Variants in TLCD3A observed in about 807,000 individuals in gnomAD.
TLCD3A encodes the protein TLC domain containing 3A.
TLCD3A carries 17 observed loss-of-function variants against 29.9 expected under a neutral mutation model. That is an observed-to-expected ratio of 0.57 (90% CI 0.39 to 0.85). The LOEUF (loss-of-function observed/expected upper bound fraction) is 0.85. Among genes scored for constraint, TLCD3A ranks in the 40% least tolerant of loss-of-function variants. The pLI is 0.00. For synonymous variants in TLCD3A, 143 were observed against 147.7 expected, an observed-to-expected ratio of 0.97 and a Z score of 0.23; for missense variants, 332 against 350.8, an observed-to-expected ratio of 0.95 and a Z score of 0.43.
chr17:741,261 T>G, intron 4 of TLCD3A, 40 bp from the exon 5 acceptor site: 2 of 1,608,780 alleles, frequency 1.2e-6, no homozygotes, highest in Non-Finnish European at 1.7e-6. Context: ...ATGCCCAGCT[T>G]CTTGGTGACC....
At position 732,636 on chromosome 17, in the gene TLCD3A, C is replaced by G. The variant is rs1369846831; in HGVS notation, c.-12C>G. ...ACGCGGCGCCAGCGAGGCGGCCGGA[C>G]CCGCAGCCCCGATGCTGCTGACGCT... On this transcript the variant is annotated 5_prime_UTR_variant, in exon 1 of 5. Transcript: ENST00000308278. 1 of 1,260,764 alleles carries G rather than the reference C, an allele frequency of 7.9e-7. No homozygotes were observed. Among genetic ancestry groups the G allele is most frequent in the East Asian group, 3.3e-5 (1 of 29,938 alleles). 78.1% of individuals were successfully genotyped at this position (1,260,764 alleles called of 1,614,324 possible).
chr17:735,702 T>A (rs1026145677), intron 2 of TLCD3A, among the ~76,000 whole-genome samples: 3 of 151,946 alleles, frequency 2.0e-5, no homozygotes, highest in Non-Finnish European at 4.4e-5. Context: ...CGGTGGCTCC[T>A]GCCTGTAATC....
Position 733,096 on chromosome 17 carries a change from A to G in TLCD3A, c.123-2A>G, listed in dbSNP as rs1047279839. 6.3e-7 allele frequency: 1 copy of G among 1,583,902 alleles called. No individual in the cohort carries two copies. Reference sequence around the variant, plus strand: ...GCGCGCTGTTCTCTCCGCCCGCGCTAGGCTGGTTTCCTCGGTGCACGCCGT... The same window carrying G: ...GCGCGCTGTTCTCTCCGCCCGCGCTGGGCTGGTTTCCTCGGTGCACGCCGT... On this transcript the variant is annotated splice_acceptor_variant, in intron 1 of 4. Coordinates refer to ENST00000308278, the MANE Select transcript of TLCD3A (RefSeq NM_024792.3). LOFTEE classifies it high-confidence loss of function.
chr17:733,189 C>A lies in TLCD3A; in HGVS notation c.206+8C>A. On this transcript the variant is annotated splice_region_variant and intron_variant, in intron 2 of 4. Transcript: ENST00000308278. ...CGACGTGATCACCGGCAGGTAAGAG[C>A]CCGGGCCGGGGCCTTGTTGCAAATG... The A allele has an allele frequency of 6.5e-7, 1 of 1,540,276 alleles. No homozygotes were observed. Among genetic ancestry groups the A allele is most frequent in the South Asian group, 1.2e-5 (1 of 82,564 alleles).
intron 3 of TLCD3A, among the ~76,000 whole-genome samples, chr17:739,177 T>C (rs1301476353): frequency 6.6e-6 from 1 of 151,762 alleles, no homozygotes; most frequent in Non-Finnish European, 1.5e-5. Flanking sequence ...GCATGCGTTT[T>C]TTTTTTTAAT....
In TLCD3A at chr17:741,572, T is replaced by A. The variant is rs779395710; in HGVS notation, c.*2T>A. 2 of 1,611,750 alleles carry A rather than the reference T, an allele frequency of 1.2e-6. No homozygotes were observed. Among genetic ancestry groups the A allele is most frequent in the East Asian group, 2.2e-5 (1 of 44,890 alleles). On this transcript the variant is annotated 3_prime_UTR_variant, in exon 5 of 5. Coordinates refer to ENST00000308278, the MANE Select transcript of TLCD3A (RefSeq NM_024792.3). ...CCCCAAGCCAAAAAGGATGGCTAAA[T>A]GCTCCTGGGAGTCAGGCGCAGCCTC...
chr17:732,910 C>T, intron 1 of TLCD3A, 141 bp downstream of exon 1: 1 of 1,365,344 alleles, frequency 7.3e-7, no homozygotes, highest in South Asian at 1.6e-5. Context: ...CCCGAGTTTC[C>T]GAAGCCCCTC....
chr17:738,096 C>CTCTTTTTTT, intron 3 of TLCD3A, 49 bp downstream of exon 3: 1 of 501,830 alleles, frequency 2.0e-6, no homozygotes, highest in Admixed American at 4.2e-5. Context: ...AGCTGGGTGT[C>CTCTTTTTTT]TTTTTTTTTT....
Position 732,731 on chromosome 17 carries a change from C to T in TLCD3A, c.84C>T (p.Pro28=), listed in dbSNP as rs146853090. Residue 28 remains proline, a synonymous_variant, in exon 1 of 5, where the codon CCC becomes CCT. Transcript: ENST00000308278. ...LCTWALRRSQ[P]GWSRTDCVMI... Reference sequence around the variant, plus strand: ...CCTGGGCGCTGCGCCGCTCCCAGCCCGGATGGAGCCGCACCGACTGCGTGA... The same window carrying T: ...CCTGGGCGCTGCGCCGCTCCCAGCCTGGATGGAGCCGCACCGACTGCGTGA... The T allele has an allele frequency of 1.9e-3, 2,796 of 1,444,860 alleles. 46 individuals carry two copies. In the African/African-American group the frequency reaches 0.037, roughly 19 times the overall value. The allele number at this position is 1,444,860 out of a possible 1,614,324, so 89.5% of individuals were successfully genotyped here.
rs1469629693 is a variant in TLCD3A at position 733,091 on chromosome 17, G to T, written c.123-7G>T. 1.3e-6 allele frequency: 2 copies of T among 1,578,072 alleles called. No homozygotes were observed. Among genetic ancestry groups the T allele is most frequent in the South Asian group, 1.2e-5 (1 of 86,336 alleles). On this transcript the variant is annotated splice_region_variant and splice_polypyrimidine_tract_variant and intron_variant, in intron 1 of 4. Transcript: ENST00000308278. ...AGCGCGCGCGCTGTTCTCTCCGCCC[G>T]CGCTAGGCTGGTTTCCTCGGTGCAC...
intron 1 of TLCD3A, 100 bp downstream of exon 1, chr17:732,869 C>T (rs761314562): frequency 5.1e-6 from 7 of 1,371,616 alleles, no homozygotes; most frequent in South Asian, 1.7e-5. Context: ...CGGCAGGAAG[C>T]CCGGGGGCTG....
At chr17:738,092 G>GTTTAT in intron 3 of TLCD3A, 45 bp downstream of exon 3, 1 of 458,260 alleles carries the variant, frequency 2.2e-6, no homozygotes, top group Non-Finnish European at 3.1e-6. Flanking sequence ...GTTGAGCTGG[G>GTTTAT]TGTCTTTTTT....
At chr17:732,968 G>C in intron 1 of TLCD3A, 130 bp from the exon 2 acceptor site, 1 of 1,398,292 alleles carries the variant, frequency 7.2e-7, no homozygotes, top group East Asian at 2.7e-5. Context: ...GGGAATGGCC[G>C]ATGAGCCTCC....
Position 741,240 on chromosome 17 carries a change from G to A in TLCD3A, c.505-61G>A, listed in dbSNP as rs527435348. 1.1e-5 allele frequency: 18 copies of A among 1,580,046 alleles called. No individual in the cohort carries two copies. The Middle Eastern group carries it at 7.1e-4, about 62-fold the overall frequency. On this transcript the variant is annotated intron_variant, in intron 4 of 4. Coordinates refer to ENST00000308278, the MANE Select transcript of TLCD3A (RefSeq NM_024792.3). The stretch of plus-strand genomic sequence containing the variant: ...ATTTACTGTGGTGGGACTTGGGCCC[G>A]TCGCTCCCTGATGCCCAGCTTCTTG...
chr17:738,489 C>A (rs1974199734), intron 3 of TLCD3A, among the ~76,000 whole-genome samples: 1 of 152,190 alleles, frequency 6.6e-6, no homozygotes, highest in Non-Finnish European at 1.5e-5. Context: ...CCTGCTGCTT[C>A]AGAGCCACCT....
intron 3 of TLCD3A, among the ~76,000 whole-genome samples, chr17:740,060 AAAAT>A (rs1410002136): frequency 6.6e-6 from 1 of 152,210 alleles, no homozygotes; most frequent in Non-Finnish European, 1.5e-5. Flanking sequence ...AAATAAAAAT[AAAAT>A]AAATAAATAA....
chr17:733,214 G>C, intron 2 of TLCD3A, 33 bp downstream of exon 2: 2 of 1,502,158 alleles, frequency 1.3e-6, no homozygotes, highest in Non-Finnish European at 8.9e-7. Flanking sequence ...TGTTGCAAAT[G>C]TCACATTTCA....
At chr17:740,863 C>G (rs879302488) in intron 4 of TLCD3A, among the ~76,000 whole-genome samples, 10 of 152,154 alleles carry the variant, frequency 6.6e-5, no homozygotes, top group Admixed American at 2.0e-4. Flanking sequence ...GGAGAAATCC[C>G]TAGTGCCAGG....
At chr17:737,091 A>C (rs996926969) in intron 2 of TLCD3A, among the ~76,000 whole-genome samples, 1 of 151,008 alleles carries the variant, frequency 6.6e-6, no homozygotes, top group Non-Finnish European at 1.5e-5. Context: ...GGCTCACTGC[A>C]ACCTCCGCCT....
Sources: gnomAD v4.1 joint callset for allele counts (sites outside exome capture counted in the v4.1 genomes callset) on GRCh38, gnomAD v4.1.1 for gene constraint, MANE v1.5 for transcripts, NCBI Gene and HGNC (gene_info 2026-07-23, HGNC 2026-07-21) for gene names.